The following COL6A6 variants were observed in gnomAD, a reference collection of about 807,000 sequenced individuals.
The protein encoded by COL6A6 is collagen type VI alpha 6 chain, also known as collagen alpha-6(VI) chain.
Under a neutral mutation model 208.6 loss-of-function variants are expected in COL6A6, and 183 were observed. The ratio of observed to expected loss-of-function variants is 0.88; its 90% CI spans 0.78 to 0.99. The LOEUF is 0.99. Among genes scored for constraint, COL6A6 ranks in the 50% least tolerant of loss-of-function variants. The probability of loss-of-function intolerance (pLI) is 0.00; values close to 1 mark genes in which losing one functional copy is unlikely to be tolerated. For synonymous variants in COL6A6, 973 were observed against 1,011.8 expected, an observed-to-expected ratio of 0.96 and a Z score of 0.73; for missense variants, 2,816 against 2,815.2, an observed-to-expected ratio of 1.00 and a Z score of -0.01.
At chr3:130,626,600 T>G in intron 25 of COL6A6, 53 bp downstream of exon 25, 1 of 1,231,154 alleles carries the variant, frequency 8.1e-7, no homozygotes, top group Admixed American at 1.7e-5. Context: ...TTTAGTTCAG[T>G]AGACATCTGG....
At chr3:130,550,310 G>C (rs2062612897) in intron 1 of COL6A6, among the ~76,000 whole-genome samples, 1 of 152,124 alleles carries the variant, frequency 6.6e-6, no homozygotes, top group African/African-American at 2.4e-5. Flanking sequence ...TCTCTTGCCT[G>C]GTTGTTCTGG....
intron 13 of COL6A6, 131 bp from the exon 14 acceptor site, chr3:130,592,410 A>G: frequency 1.5e-6 from 1 of 687,808 alleles, no homozygotes; most frequent in East Asian, 2.7e-5. Flanking sequence ...CTTAGTTTTT[A>G]TAAGCAAGAA....
At position 130,561,289 on chromosome 3, in the gene COL6A6, C is replaced by T. The variant is rs1461132758; in HGVS notation, c.64+861C>T. Reference sequence around the variant, plus strand: ...GCCACCCACGGCAGGGCTCCCCTGGCAGTCTTCACAGGGTTTCAGGCTTCT... The same window carrying T: ...GCCACCCACGGCAGGGCTCCCCTGGTAGTCTTCACAGGGTTTCAGGCTTCT... On this transcript the variant is annotated intron_variant, in intron 2 of 36. Coordinates refer to ENST00000358511, the MANE Select transcript of COL6A6 (RefSeq NM_001102608.3). Among the ~76,000 whole-genome samples, 3 of 152,236 alleles carry T rather than the reference C, an allele frequency of 2.0e-5. No individual in the cohort carries two copies. The East Asian group carries it at 5.8e-4, about 29-fold the overall frequency.
chr3:130,647,547 C>T (rs2065496856), intron 32 of COL6A6, among the ~76,000 whole-genome samples: 2 of 152,172 alleles, frequency 1.3e-5, no homozygotes, highest in African/African-American at 4.8e-5. Flanking sequence ...CTGTCTCCAT[C>T]GAGATGAACA....
intron 20 of COL6A6, 21 bp downstream of exon 20, chr3:130,599,831 G>A (rs1269974737): frequency 6.2e-7 from 1 of 1,612,722 alleles, no homozygotes; most frequent in African/African-American, 1.3e-5. Context: ...TTCTAGACAA[G>A]GAGACCCACT....
rs993887427 is a variant in COL6A6, at chr3:130,557,379, T to C, written c.-31-2955T>C. 1.1e-4 allele frequency among the ~76,000 whole-genome samples: 16 copies of C among 152,366 alleles called. No individual in the cohort carries two copies. In the East Asian group the frequency reaches 2.9e-3, roughly 28 times the overall value. ...TTATTCAATATTTGTCTGTGCCTATTGCGTGCCAAGGATTTATCCTGCAGC... is the reference window on the plus strand; with the variant it reads ...TTATTCAATATTTGTCTGTGCCTATCGCGTGCCAAGGATTTATCCTGCAGC... On this transcript the variant is annotated intron_variant, in intron 1 of 36. Transcript: ENST00000358511.
chr3:130,641,777 A>G (rs1247207276), intron 29 of COL6A6, 63 bp downstream of exon 29: 5 of 976,504 alleles, frequency 5.1e-6, no homozygotes, highest in African/African-American at 1.6e-5. Context: ...AAGTCAGTGC[A>G]TGAAATCTTC....
At chr3:130,642,060 A>G (rs965122) in intron 29 of COL6A6, among the ~76,000 whole-genome samples, 29,256 of 152,124 alleles carry the variant, frequency 0.19, 3,273 homozygotes, top group South Asian at 0.36. Flanking sequence ...AGTGACTGTG[A>G]TCAATGTTGC....
chr3:130,523,589 C>T (rs1158461341), intron 1 of COL6A6, among the ~76,000 whole-genome samples: 1 of 152,118 alleles, frequency 6.6e-6, no homozygotes, highest in Non-Finnish European at 1.5e-5. Context: ...GGGTTCCTGA[C>T]ACCTAAGTTG....
Position 130,574,160 on chromosome 3 carries a change from A to G in COL6A6, c.3182A>G (p.Lys1061Arg), listed in dbSNP as rs1371939673. The part of the protein sequence containing the change: ...EFPLGTFIGE[K>R]EISFQIENIK... Reference sequence around the variant, plus strand: ...CCACTGGGAACTTTCATAGGTGAAAAAGAGATATCATTTCAGATTGAAAAC... The same window carrying G: ...CCACTGGGAACTTTCATAGGTGAAAGAGAGATATCATTTCAGATTGAAAAC... Residue 1061 changes from lysine (K) to arginine (R), a missense_variant, in exon 8 of 37, where the codon AAA becomes AGA. Transcript: ENST00000358511. The G allele has an allele frequency of 6.2e-7, 1 of 1,613,858 alleles. No individual in the cohort carries two copies. The highest frequency in any genetic ancestry group is 1.3e-5 in the African/African-American group (1 of 74,912).
Position 130,645,000 on chromosome 3 carries a change from A to G in COL6A6, c.5237A>G (p.His1746Arg). The G allele has an allele frequency of 6.2e-7, 1 of 1,612,254 alleles. No individual in the cohort carries two copies. The highest frequency in any genetic ancestry group is 8.5e-7 in the Non-Finnish European group (1 of 1,178,378). The change falls in exon 32 of 37, where the codon CAT becomes CGT. Residue 1746 changes from histidine (H) to arginine (R), a missense_variant and splice_region_variant. Coordinates refer to ENST00000358511, the MANE Select transcript of COL6A6 (RefSeq NM_001102608.3). ...QYVRDRSPGR[H>R]GKPECPVHPT... is the part of the protein sequence containing the mutation. The stretch of plus-strand genomic sequence containing the variant: ...TGTTCTTCTTCCCCAGCTGGCAGGC[A>G]TGGTGAGTAATCTTTATTTACAGCA...
intron 28 of COL6A6, among the ~76,000 whole-genome samples, chr3:130,640,945 C>A (rs1187368014): frequency 6.6e-6 from 1 of 152,208 alleles, no homozygotes; most frequent in Non-Finnish European, 1.5e-5. Flanking sequence ...CTAGTCCTAG[C>A]AATCTTCCCT....
At chr3:130,555,892 G>A (rs1187129425) in intron 1 of COL6A6, among the ~76,000 whole-genome samples, 5 of 152,044 alleles carry the variant, frequency 3.3e-5, no homozygotes, top group African/African-American at 1.2e-4. Context: ...TAACTTTTTT[G>A]TTATAAGTTT....
chr3:130,567,324 T>C (rs368853863), intron 5 of COL6A6, 62 bp downstream of exon 5: 11 of 1,252,584 alleles, frequency 8.8e-6, no homozygotes, highest in Admixed American at 2.3e-5. Flanking sequence ...CTGGCAATAA[T>C]TGACATTGCT....
At chr3:130,646,889 G>A (rs2065475337) in intron 32 of COL6A6, among the ~76,000 whole-genome samples, 1 of 152,208 alleles carries the variant, frequency 6.6e-6, no homozygotes, top group Non-Finnish European at 1.5e-5. Context: ...CTGCTATGGG[G>A]AGAGTGGATT....
At chr3:130,533,252 TTAA>T (rs1009908608) in intron 1 of COL6A6, among the ~76,000 whole-genome samples, 10 of 33,332 alleles carry the variant, frequency 3.0e-4, no homozygotes, top group Non-Finnish European at 5.4e-4. Context: ...ATCCCAGGAA[TTAA>T]AAAAAAAAAA....
chr3:130,643,095 C>T (rs1016869464), intron 31 of COL6A6, 72 bp downstream of exon 31: 95 of 1,497,746 alleles, frequency 6.3e-5, no homozygotes, highest in Non-Finnish European at 8.7e-5. Context: ...AACCTACACT[C>T]AGAATTGAAT....
At chr3:130,573,857 C>A in intron 7 of COL6A6, 99 bp from the exon 8 acceptor site, 1 of 847,560 alleles carries the variant, frequency 1.2e-6, no homozygotes, top group Non-Finnish European at 1.8e-6. Flanking sequence ...GAGTGAGCCA[C>A]CGCGCCCGGC....
At chr3:130,606,044 C>G (rs1340782959) in intron 20 of COL6A6, among the ~76,000 whole-genome samples, 1 of 152,150 alleles carries the variant, frequency 6.6e-6, no homozygotes, top group Non-Finnish European at 1.5e-5. Flanking sequence ...GGGACACAGC[C>G]AAACTATATC....
Sources: allele counts gnomAD v4.1 joint callset (sites outside exome capture counted in the v4.1 genomes callset), GRCh38; gene constraint gnomAD v4.1.1; transcripts MANE v1.5; gene names NCBI Gene and HGNC (gene_info 2026-07-23, HGNC 2026-07-21).